Variants in FAM204A observed in about 807,000 individuals in gnomAD.
FAM204A encodes the protein protein FAM204A.
In FAM204A, 16 loss-of-function variants were observed where a neutral mutation model predicts 35.4. That is an observed-to-expected ratio of 0.45 (90% CI 0.31 to 0.69). The LOEUF is 0.69. Ranked by LOEUF, FAM204A falls within the 30% of genes least tolerant of loss-of-function variation. The pLI is 0.07. For synonymous variants in FAM204A, 76 were observed against 86.9 expected (o/e 0.88, Z 0.70); for missense variants, 240 against 265.7 (o/e 0.90, Z 0.67).
chr10:118,333,685 G>GA (rs762583258), intron 6 of FAM204A, among the ~76,000 whole-genome samples: 28 of 152,120 alleles, frequency 1.8e-4, no homozygotes, highest in Admixed American at 3.3e-4. Flanking sequence ...TTAAATGCAG[G>GA]AAAAATCCTA....
intron 7 of FAM204A, among the ~76,000 whole-genome samples, chr10:118,323,264 T>C (rs556320946): frequency 3.3e-5 from 5 of 152,144 alleles, no homozygotes; most frequent in East Asian, 1.9e-4. Flanking sequence ...CCATACTCTA[T>C]GTCCCTGCTG....
chr10:118,319,571 G>C (rs1163369560), intron 7 of FAM204A, among the ~76,000 whole-genome samples: 2 of 151,828 alleles, frequency 1.3e-5, no homozygotes, highest in East Asian at 3.9e-4. Context: ...GATACACCGT[G>C]GTTATATTCT....
intron 6 of FAM204A, among the ~76,000 whole-genome samples, chr10:118,328,852 T>C (rs562944270): frequency 7.6e-4 from 116 of 152,304 alleles, no homozygotes; most frequent in Non-Finnish European, 9.8e-4. Flanking sequence ...ACAGTGTTCC[T>C]CAAGTTTCTG....
At chr10:118,335,086 G>T (rs1365501113) in intron 6 of FAM204A, 28 bp downstream of exon 6, 2 of 1,477,872 alleles carry the variant, frequency 1.4e-6, no homozygotes, top group African/African-American at 2.8e-5. Flanking sequence ...CTACTAGCTG[G>T]TATAAGATGC....
At chr10:118,330,843 C>T (rs147885968) in intron 6 of FAM204A, among the ~76,000 whole-genome samples, 1 of 152,316 alleles carries the variant, frequency 6.6e-6, no homozygotes, top group East Asian at 1.9e-4. Context: ...CTAGCTCCTC[C>T]ACTTATGAAC....
At position 118,302,265 on chromosome 10, in the gene FAM204A, G is replaced by A. The variant is rs1160578609; in HGVS notation, c.*8592C>T. 1 of 152,212 alleles carries A rather than the reference G, an allele frequency of 6.6e-6. No homozygotes were observed. The highest frequency in any genetic ancestry group is 2.4e-5 in the African/African-American group (1 of 41,448). 9.4% of individuals were successfully genotyped at this position (152,212 alleles called of 1,614,324 possible). On this transcript the variant is annotated 3_prime_UTR_variant, in exon 9 of 9. Transcript: ENST00000369183. ...AATGAGAAAAGGAAATGCAGGAAGAGGGATCCATTTCTTCCAGATTCTGTT... is the reference window on the plus strand; with the variant it reads ...AATGAGAAAAGGAAATGCAGGAAGAAGGATCCATTTCTTCCAGATTCTGTT...
chr10:118,339,786 C>A (rs1846445497), intron 2 of FAM204A, among the ~76,000 whole-genome samples: 1 of 106,018 alleles, frequency 9.4e-6, no homozygotes, highest in Admixed American at 1.3e-4. Flanking sequence ...AGATTTATTC[C>A]ATCCCACAAT....
At chr10:118,334,440 C>T (rs1372954934) in intron 6 of FAM204A, among the ~76,000 whole-genome samples, 1 of 152,144 alleles carries the variant, frequency 6.6e-6, no homozygotes, top group Non-Finnish European at 1.5e-5. Flanking sequence ...TCAGCAGAAC[C>T]ATTCTGGTTC....
rs552305201 is a variant in FAM204A, at chr10:118,326,724, G to C, written c.454-481C>G. ...TCTGTAAGTAGTAAAGCCATCACAT[G>C]AATTCAGGTTTGCTCAGAGCCTGCA... On this transcript the variant is annotated intron_variant, in intron 6 of 8. Transcript: ENST00000369183. 1.1e-4 allele frequency among the ~76,000 whole-genome samples: 16 copies of C among 152,268 alleles called. No individual in the cohort carries two copies. In the South Asian group the frequency reaches 3.3e-3, roughly 32 times the overall value.
In FAM204A at chr10:118,299,391, G is replaced by GTTTTTTTTTTTTTTTTTTTTTTTTT. The variant is rs565492466; in HGVS notation, c.*11465_*11466insAAAAAAAAAAAAAAAAAAAAAAAAA. ...ACCTCCTCCTTTCTGCTTCCAGAAG[G>GTTTTTTTTTTTTTTTTTTTTTTTTT]TTTTTTTTTTTTTTTTTTTTTTGAG... On this transcript the variant is annotated 3_prime_UTR_variant, in exon 9 of 9. Transcript: ENST00000369183. The GTTTTTTTTTTTTTTTTTTTTTTTTT allele has an allele frequency of 3.2e-4, 29 of 90,272 alleles. 3 individuals are homozygous for GTTTTTTTTTTTTTTTTTTTTTTTTT. Among genetic ancestry groups the GTTTTTTTTTTTTTTTTTTTTTTTTT allele is most frequent in the Non-Finnish European group, 4.8e-4 (24 of 49,634 alleles). 5.6% of individuals were successfully genotyped at this position (90,272 alleles called of 1,614,324 possible). A position where few individuals can be genotyped will look rare whatever the true frequency, so the allele number is the denominator to read the frequency against.
chr10:118,316,256 T>C (rs1846029012), intron 7 of FAM204A, among the ~76,000 whole-genome samples: 1 of 152,164 alleles, frequency 6.6e-6, no homozygotes, highest in Non-Finnish European at 1.5e-5. Flanking sequence ...TGCCTTGCAG[T>C]GAAGGAGTTT....
chr10:118,305,885 C>T lies in FAM204A; in HGVS notation c.*4972G>A, dbSNP rs564378147. 2 of 152,290 alleles carry T rather than the reference C, an allele frequency of 1.3e-5. No homozygotes were observed. The highest frequency in any genetic ancestry group is 2.4e-5 in the African/African-American group (1 of 41,554). 9.4% of individuals were successfully genotyped at this position (152,290 alleles called of 1,614,324 possible). On this transcript the variant is annotated 3_prime_UTR_variant, in exon 9 of 9. Coordinates refer to ENST00000369183, the MANE Select transcript of FAM204A (RefSeq NM_022063.3). ...ATTCATAATTACTTCTAGTATCACC[C>T]ATCTTACAAATGAAAACACTTTTTA... is the stretch of plus-strand genomic sequence containing the variant.
intron 7 of FAM204A, among the ~76,000 whole-genome samples, chr10:118,319,677 TTATCG>T (rs1846081590): frequency 6.6e-6 from 1 of 151,972 alleles, no homozygotes; most frequent in South Asian, 2.1e-4. Flanking sequence ...ATGAAAAATT[TTATCG>T]TATCATGACT....
intron 7 of FAM204A, among the ~76,000 whole-genome samples, chr10:118,321,533 C>T (rs974970016): frequency 2.0e-5 from 3 of 151,598 alleles, no homozygotes; most frequent in Non-Finnish European, 4.4e-5. Context: ...CAGAAAAAAA[C>T]ATTGTATTTG....
Position 118,337,363 on chromosome 10 carries a change from G to T in FAM204A, c.-8-940C>A, listed in dbSNP as rs1276106739. 1.5e-5 allele frequency: 6 copies of T among 399,950 alleles called. No individual in the cohort carries two copies. In the South Asian group the frequency reaches 5.2e-4, roughly 34 times the overall value. 24.8% of individuals were successfully genotyped at this position (399,950 alleles called of 1,614,324 possible). ...ATCAATATGAAGGAATAAAATGGAA[G>T]GACGGAAATTTGTTTTGCAGTTTTC... On this transcript the variant is annotated intron_variant, in intron 2 of 8. Transcript: ENST00000369183.
chr10:118,315,057 G>T (rs1215397125), intron 7 of FAM204A, among the ~76,000 whole-genome samples: 2 of 152,086 alleles, frequency 1.3e-5, no homozygotes, highest in African/African-American at 4.8e-5. Context: ...GAAAAGCAGG[G>T]CCCTGGCTGG....
At chr10:118,316,580 CTATATA>C (rs1056744950) in intron 7 of FAM204A, among the ~76,000 whole-genome samples, 1 of 152,114 alleles carries the variant, frequency 6.6e-6, no homozygotes, top group African/African-American at 2.4e-5. Flanking sequence ...CTACATGTAT[CTATATA>C]TATGTACGAT....
rs552625455 is a variant in FAM204A, at chr10:118,301,557, C to G, written c.*9300G>C. On this transcript the variant is annotated 3_prime_UTR_variant, in exon 9 of 9. Transcript: ENST00000369183. ...AGAGTGAGACACTATCTCAATCTTC[C>G]AAGGATGTTATATACAAACATCCTT... 24 of 152,194 alleles carry G rather than the reference C, an allele frequency of 1.6e-4. No individual in the cohort carries two copies. The highest frequency in any genetic ancestry group is 5.3e-4 in the African/African-American group (22 of 41,520). The allele number at this position is 152,194 out of a possible 1,614,324, so 9.4% of individuals were successfully genotyped here. A position where few individuals can be genotyped will look rare whatever the true frequency, so the allele number is the denominator to read the frequency against.
At chr10:118,316,598 G>A (rs1846034543) in intron 7 of FAM204A, among the ~76,000 whole-genome samples, 1 of 152,034 alleles carries the variant, frequency 6.6e-6, no homozygotes, top group African/African-American at 2.4e-5. Flanking sequence ...ATGTACGATC[G>A]TTTACACAGC....
Sources: allele counts gnomAD v4.1 joint callset (sites outside exome capture counted in the v4.1 genomes callset), GRCh38; gene constraint gnomAD v4.1.1; transcripts MANE v1.5; gene names NCBI Gene and HGNC (gene_info 2026-07-23, HGNC 2026-07-21).